Variants in ROBO2 observed in about 807,000 individuals in gnomAD.
The protein encoded by ROBO2 is roundabout homolog 2.
A neutral mutation model predicts 160.8 loss-of-function variants in ROBO2; 53 were observed. The ratio of observed to expected loss-of-function variants is 0.33; its 90% CI spans 0.26 to 0.41. The LOEUF is 0.41. Ranked by LOEUF, ROBO2 falls within the 10% of genes least tolerant of loss-of-function variation. The probability of loss-of-function intolerance (pLI) is 1.00; values close to 1 mark genes in which losing one functional copy is unlikely to be tolerated. For synonymous variants in ROBO2, 664 were observed against 611.7 expected, an observed-to-expected ratio of 1.09 and a Z score of -1.26; for missense variants, 1,577 against 1,722.4, an observed-to-expected ratio of 0.92 and a Z score of 1.49.
intron 2 of ROBO2, among the ~76,000 whole-genome samples, chr3:76,846,743 A>C (rs2068810502): frequency 1.3e-5 from 2 of 152,264 alleles, no homozygotes; most frequent in Admixed American, 1.3e-4. Flanking sequence ...CAATCATTTT[A>C]ACTTAGAAGT....
intron 2 of ROBO2, among the ~76,000 whole-genome samples, chr3:76,182,868 C>T (rs951399864): frequency 6.6e-6 from 1 of 152,140 alleles, no homozygotes; most frequent in Admixed American, 6.6e-5. Flanking sequence ...TTTGAACCAG[C>T]TTTATCACTG....
Position 76,697,447 on chromosome 3 carries a change from C to T in ROBO2, c.110-400567C>T, listed in dbSNP as rs148426093. ...TCGCTTGAGTCCAGGAATTGAAGACCAGCATGGGAAACATGGCAAAACCCT... is the reference window on the plus strand; with the variant it reads ...TCGCTTGAGTCCAGGAATTGAAGACTAGCATGGGAAACATGGCAAAACCCT... On this transcript the variant is annotated intron_variant, in intron 2 of 26. Coordinates refer to the ROBO2 transcript ENST00000487694. Among the ~76,000 whole-genome samples the T allele has an allele frequency of 2.3e-3, 349 of 152,112 alleles. 6 individuals carry two copies. In the East Asian group the frequency reaches 0.049, roughly 21 times the overall value.
At chr3:76,527,316 A>G (rs1196758953) in intron 2 of ROBO2, among the ~76,000 whole-genome samples, 17 of 152,160 alleles carry the variant, frequency 1.1e-4, no homozygotes, top group Non-Finnish European at 1.5e-5. Flanking sequence ...TTTTTTAAAA[A>G]GTCAGAAGTG....
intron 2 of ROBO2, among the ~76,000 whole-genome samples, chr3:76,556,711 C>G (rs1424027708): frequency 1.3e-5 from 2 of 152,066 alleles, no homozygotes; most frequent in East Asian, 3.9e-4. Context: ...TTCATAGTGA[C>G]TTTGGTACTT....
At chr3:76,348,085 A>G (rs2074639327) in intron 2 of ROBO2, among the ~76,000 whole-genome samples, 1 of 142,606 alleles carries the variant, frequency 7.0e-6, no homozygotes, top group South Asian at 2.1e-4. Flanking sequence ...CACAGTCAGT[A>G]TCAGTCTTCA....
intron 2 of ROBO2, among the ~76,000 whole-genome samples, chr3:75,955,470 A>C (rs1948687496): frequency 6.6e-6 from 1 of 151,536 alleles, no homozygotes. Flanking sequence ...GTGATTGTGA[A>C]AGTCTTAAAA....
intron 2 of ROBO2, among the ~76,000 whole-genome samples, chr3:77,010,291 A>T (rs1056880450): frequency 6.6e-6 from 1 of 151,936 alleles, no homozygotes; most frequent in Admixed American, 6.6e-5. Flanking sequence ...AGTCCTCAAC[A>T]CCCTCATCTT....
chr3:76,813,876 A>C (rs546078156), intron 2 of ROBO2, among the ~76,000 whole-genome samples: 86 of 152,274 alleles, frequency 5.6e-4, no homozygotes, highest in Non-Finnish European at 1.1e-3. Context: ...AACATGTTTA[A>C]AAGATAAGTG....
At chr3:77,228,784 C>T (rs1342542713) in intron 2 of ROBO2, among the ~76,000 whole-genome samples, 1 of 151,864 alleles carries the variant, frequency 6.6e-6, no homozygotes, top group Non-Finnish European at 1.5e-5. Context: ...TAACAAAATC[C>T]AAAAACACTA....
intron 2 of ROBO2, among the ~76,000 whole-genome samples, chr3:76,677,894 T>C (rs2092450906): frequency 1.3e-5 from 2 of 151,202 alleles, no homozygotes; most frequent in Non-Finnish European, 2.9e-5. Context: ...ATGATTGTTA[T>C]ATGTTCATGA....
chr3:76,477,441 T>C (rs1418153550), intron 2 of ROBO2, among the ~76,000 whole-genome samples: 1 of 152,110 alleles, frequency 6.6e-6, no homozygotes, highest in Non-Finnish European at 1.5e-5. Flanking sequence ...ACAGTTGCAA[T>C]GCTATAGAAA....
In ROBO2 at chr3:76,332,701, A is replaced by G. The variant is rs1293253312; in HGVS notation, c.109+395099A>G. Among the ~76,000 whole-genome samples the G allele has an allele frequency of 2.6e-5, 4 of 152,210 alleles. 1 individual carries two copies. Among genetic ancestry groups the G allele is most frequent in the Non-Finnish European group, 5.9e-5 (4 of 68,030 alleles). Reference sequence around the variant, plus strand: ...CAGGAAAATCTTTACCCTCTAGCCAAAGAGAGTAATTTAATACTTTCCACC... The same window carrying G: ...CAGGAAAATCTTTACCCTCTAGCCAGAGAGAGTAATTTAATACTTTCCACC... On this transcript the variant is annotated intron_variant, in intron 2 of 26. Transcript: ENST00000487694.
chr3:76,825,603 C>CAAAAAAAAAAAAAAAA (rs201063990), intron 2 of ROBO2, among the ~76,000 whole-genome samples: 7 of 72,506 alleles, frequency 9.7e-5, no homozygotes, highest in Non-Finnish European at 1.6e-4. Flanking sequence ...TCATCTTAGC[C>CAAAAAAAAAAAAAAAA]AAAAAAAAAA....
intron 6 of ROBO2, among the ~76,000 whole-genome samples, chr3:77,535,994 T>G (rs2092072335): frequency 6.6e-6 from 1 of 152,180 alleles, no homozygotes; most frequent in African/African-American, 2.4e-5. Flanking sequence ...TACTATTGAT[T>G]GCAATGTAGA....
chr3:76,456,154 C>T (rs947516104), intron 2 of ROBO2, among the ~76,000 whole-genome samples: 19 of 152,154 alleles, frequency 1.2e-4, no homozygotes, highest in Admixed American at 1.2e-3. Flanking sequence ...TAGTACCTAA[C>T]AGCAGGTGTT....
intron 2 of ROBO2, among the ~76,000 whole-genome samples, chr3:76,133,906 C>G (rs1290120649): frequency 6.6e-6 from 1 of 152,070 alleles, no homozygotes; most frequent in Non-Finnish European, 1.5e-5. Context: ...CACAGACACA[C>G]CCAGGAGCAC....
intron 2 of ROBO2, among the ~76,000 whole-genome samples, chr3:76,431,023 T>C (rs1032257145): frequency 1.3e-5 from 2 of 152,100 alleles, no homozygotes; most frequent in East Asian, 3.8e-4. Flanking sequence ...AAGTCAACAG[T>C]ACAACTATGT....
intron 2 of ROBO2, among the ~76,000 whole-genome samples, chr3:76,309,537 CA>C (rs1396734866): frequency 6.6e-6 from 1 of 152,070 alleles, no homozygotes; most frequent in Non-Finnish European, 1.5e-5. Flanking sequence ...CTTATCTTAA[CA>C]AGATAACTTG....
At chr3:77,253,545 G>A (rs926002148) in intron 2 of ROBO2, among the ~76,000 whole-genome samples, 1 of 152,130 alleles carries the variant, frequency 6.6e-6, no homozygotes, top group Non-Finnish European at 1.5e-5. Context: ...GTCCCAATGT[G>A]AAACAAAGTT....
Sources: allele counts gnomAD v4.1 joint callset (sites outside exome capture counted in the v4.1 genomes callset), GRCh38; gene constraint gnomAD v4.1.1; transcripts MANE v1.5; gene names NCBI Gene and HGNC (gene_info 2026-07-23, HGNC 2026-07-21).